Variants in DOCK3 observed in about 807,000 individuals in gnomAD.
DOCK3 encodes the protein dedicator of cytokinesis 3.
DOCK3 carries 60 observed loss-of-function variants against 265.6 expected under a neutral mutation model. The ratio of observed to expected loss-of-function variants is 0.23; its 90% confidence interval spans 0.18 to 0.28. The LOEUF is 0.28. Among genes scored for constraint, DOCK3 ranks in the 10% least tolerant of loss-of-function variants. The pLI is 1.00. For synonymous variants in DOCK3, 881 were observed against 938.0 expected (o/e 0.94, Z 1.11); for missense variants, 1,981 against 2,594.3 (o/e 0.76, Z 5.14).
rs539224560 is a variant in DOCK3 at position 50,691,314 on chromosome 3, T to C, written c.37+16014T>C. 2.0e-5 allele frequency among the ~76,000 whole-genome samples: 3 copies of C among 150,960 alleles called. No individual in the cohort carries two copies. In the South Asian group the frequency reaches 6.3e-4, roughly 32 times the overall value. On this transcript the variant is annotated intron_variant, in intron 1 of 52. Transcript: ENST00000266037. ...AAAAAAAAAAAAAGTAATCATACAATGTTTGTCCTTTTGTGTCTGGCATAT... is the reference window on the plus strand; with the variant it reads ...AAAAAAAAAAAAAGTAATCATACAACGTTTGTCCTTTTGTGTCTGGCATAT...
intron 37 of DOCK3, among the ~76,000 whole-genome samples, chr3:51,339,639 A>C (rs2085103329): frequency 6.6e-6 from 1 of 152,198 alleles, no homozygotes; most frequent in African/African-American, 2.4e-5. Flanking sequence ...ACTAGAACAA[A>C]TTTTAAAGCA....
At chr3:50,957,418 C>G (rs2076759293) in intron 5 of DOCK3, among the ~76,000 whole-genome samples, 1 of 152,152 alleles carries the variant, frequency 6.6e-6, no homozygotes, top group Admixed American at 6.5e-5. Context: ...TGTAATCTAG[C>G]ACTACCTAGT....
chr3:50,805,890 T>G (rs547101163), intron 2 of DOCK3, among the ~76,000 whole-genome samples: 2 of 152,044 alleles, frequency 1.3e-5, no homozygotes, highest in African/African-American at 2.4e-5. Context: ...TGGCAACCTG[T>G]AGGGCTGTTT....
intron 2 of DOCK3, among the ~76,000 whole-genome samples, chr3:50,809,438 G>T (rs956071262): frequency 1.3e-5 from 2 of 152,138 alleles, no homozygotes; most frequent in African/African-American, 2.4e-5. Context: ...TGAGAATGTC[G>T]ATCGGTTGTT....
At chr3:51,128,097 A>G (rs999604725) in intron 9 of DOCK3, among the ~76,000 whole-genome samples, 1 of 152,168 alleles carries the variant, frequency 6.6e-6, no homozygotes, top group African/African-American at 2.4e-5. Context: ...GTTTAATGGA[A>G]TCATTGTGTC....
intron 14 of DOCK3, among the ~76,000 whole-genome samples, chr3:51,217,174 T>G (rs893386730): frequency 6.6e-6 from 1 of 151,134 alleles, no homozygotes; most frequent in Non-Finnish European, 1.5e-5. Context: ...TTGGTCAGGA[T>G]GGCCCAGATA....
intron 2 of DOCK3, among the ~76,000 whole-genome samples, chr3:50,809,413 G>T (rs2043610395): frequency 6.6e-6 from 1 of 152,112 alleles, no homozygotes; most frequent in Admixed American, 6.5e-5. Flanking sequence ...ATTAAAACAC[G>T]ATACCAAGTG....
intron 1 of DOCK3, among the ~76,000 whole-genome samples, chr3:50,727,533 A>G (rs749826799): frequency 2.0e-5 from 3 of 152,098 alleles, no homozygotes; most frequent in Non-Finnish European, 4.4e-5. Flanking sequence ...CCCCATCTCT[A>G]CTAAAAATAC....
At position 50,875,057 on chromosome 3, in the gene DOCK3, G is replaced by T. The variant is rs531089717; in HGVS notation, c.163-14969G>T. On this transcript the variant is annotated intron_variant, in intron 3 of 52. Coordinates refer to ENST00000266037, the MANE Select transcript of DOCK3 (RefSeq NM_004947.5). The stretch of plus-strand genomic sequence containing the variant: ...GGGGAACGTCACACACCGGAGTTGT[G>T]GGGGAGGGGTGGGAGAGCATTAAGA... 8.0e-4 allele frequency among the ~76,000 whole-genome samples: 121 copies of T among 152,086 alleles called. 1 individual carries two copies. The highest frequency in any genetic ancestry group is 1.6e-3 in the Non-Finnish European group (112 of 68,004).
intron 1 of DOCK3, among the ~76,000 whole-genome samples, chr3:50,722,255 G>A (rs1258678617): frequency 6.6e-6 from 1 of 152,196 alleles, no homozygotes. Context: ...GGGCATACAA[G>A]GCTGGCAGCT....
intron 7 of DOCK3, among the ~76,000 whole-genome samples, chr3:51,080,147 A>G (rs1415527842): frequency 1.3e-5 from 2 of 152,156 alleles, no homozygotes; most frequent in Admixed American, 6.5e-5. Context: ...ACAATCCCCA[A>G]CCTATATAGC....
intron 12 of DOCK3, among the ~76,000 whole-genome samples, chr3:51,171,225 A>T (rs1276585251): frequency 6.6e-6 from 1 of 151,926 alleles, no homozygotes; most frequent in Non-Finnish European, 1.5e-5. Context: ...TTAAGTCTTG[A>T]TAGGTTTTGT....
intron 2 of DOCK3, among the ~76,000 whole-genome samples, chr3:50,801,980 A>C (rs1035695190): frequency 6.6e-6 from 1 of 152,092 alleles, no homozygotes; most frequent in Non-Finnish European, 1.5e-5. Flanking sequence ...TTTTAACTAC[A>C]GGTCTTTTTC....
At chr3:51,234,456 A>G (rs1040455267) in intron 19 of DOCK3, among the ~76,000 whole-genome samples, 3 of 152,034 alleles carry the variant, frequency 2.0e-5, no homozygotes, top group Admixed American at 2.0e-4. Flanking sequence ...TGTTTCCTGT[A>G]TCAGTTTTTG....
At chr3:50,949,143 A>T (rs1050056514) in intron 5 of DOCK3, among the ~76,000 whole-genome samples, 5 of 152,188 alleles carry the variant, frequency 3.3e-5, no homozygotes, top group African/African-American at 1.2e-4. Flanking sequence ...AGAAGCACAA[A>T]CTATAAAAGA....
chr3:51,329,753 C>T (rs1163070206), intron 32 of DOCK3, among the ~76,000 whole-genome samples: 1 of 152,144 alleles, frequency 6.6e-6, no homozygotes, highest in Non-Finnish European at 1.5e-5. Flanking sequence ...GGGTAAAGTT[C>T]TAACCAAATG....
At chr3:50,721,078 G>A (rs2037452266) in intron 1 of DOCK3, among the ~76,000 whole-genome samples, 1 of 151,732 alleles carries the variant, frequency 6.6e-6, no homozygotes, top group Admixed American at 6.6e-5. Flanking sequence ...ATTTGTTTAA[G>A]TTCCTTAAGA....
intron 6 of DOCK3, among the ~76,000 whole-genome samples, chr3:51,073,915 T>C (rs2081969782): frequency 6.6e-6 from 1 of 152,260 alleles, no homozygotes. Flanking sequence ...ATTTTATCAA[T>C]CTTACTGCAA....
At chr3:51,378,749 C>T (rs11712697) in intron 51 of DOCK3, among the ~76,000 whole-genome samples, 1 of 152,354 alleles carries the variant, frequency 6.6e-6, no homozygotes, top group African/African-American at 2.4e-5. Flanking sequence ...CTCTCTCCTC[C>T]TGAAAAGTCT....
Sources: allele counts gnomAD v4.1 joint callset (sites outside exome capture counted in the v4.1 genomes callset), GRCh38; gene constraint gnomAD v4.1.1; transcripts MANE v1.5; gene names NCBI Gene and HGNC (gene_info 2026-07-23, HGNC 2026-07-21).